STARD13: variants seen among roughly 807,000 people sequenced by gnomAD.
STARD13 encodes the protein stAR-related lipid transfer protein 13.
STARD13 carries 62 observed loss-of-function variants against 106.4 expected under a neutral mutation model. The ratio of observed to expected loss-of-function variants is 0.58; its 90% CI spans 0.48 to 0.72. The LOEUF (loss-of-function observed/expected upper bound fraction) is 0.72. Among genes scored for constraint, STARD13 ranks in the 30% least tolerant of loss-of-function variants. The pLI, the probability that STARD13 is intolerant of heterozygous loss-of-function variation, is 0.00. For missense variants in STARD13, 1,387 were observed against 1,424.0 expected, an observed-to-expected ratio of 0.97 and a Z score of 0.42; for synonymous variants, 565 against 553.0, an observed-to-expected ratio of 1.02 and a Z score of -0.31.
the STARD13 span, among the ~76,000 whole-genome samples, chr13:33,576,297 A>G: frequency 6.6e-6 from 1 of 151,874 alleles, no homozygotes; most frequent in Non-Finnish European, 1.5e-5. Context: ...ATCATAACTC[A>G]CTGCAGCCTT....
At chr13:33,382,262 A>G in the STARD13 span, among the ~76,000 whole-genome samples, 47 of 152,296 alleles carry the variant, frequency 3.1e-4, no homozygotes, top group Middle Eastern at 6.8e-3. Flanking sequence ...CAATCCAGTT[A>G]TAGAAGTTGT....
chr13:33,194,825 A>G (rs920132221), intron 1 of STARD13, among the ~76,000 whole-genome samples: 1 of 152,222 alleles, frequency 6.6e-6, no homozygotes, highest in Non-Finnish European at 1.5e-5. Flanking sequence ...GCTGTTAGTC[A>G]TTTTTTAAAA....
chr13:33,143,483 G>T (rs1226338835), intron 3 of STARD13, among the ~76,000 whole-genome samples: 1 of 152,196 alleles, frequency 6.6e-6, no homozygotes, highest in Non-Finnish European at 1.5e-5. Flanking sequence ...TCCTGAGTAT[G>T]AAGACACACA....
At chr13:33,451,117 C>G in the STARD13 span, among the ~76,000 whole-genome samples, 2 of 152,020 alleles carry the variant, frequency 1.3e-5, no homozygotes, top group Non-Finnish European at 2.9e-5. Context: ...TGGGCTCAAG[C>G]AATCCTTCCA....
the STARD13 span, among the ~76,000 whole-genome samples, chr13:33,383,186 CGT>C: frequency 6.6e-6 from 1 of 152,292 alleles, no homozygotes; most frequent in South Asian, 2.1e-4. Flanking sequence ...ACATGGGTAG[CGT>C]ATGCTTCCTT....
At chr13:33,182,206 C>T (rs1885307573) in intron 1 of STARD13, among the ~76,000 whole-genome samples, 1 of 152,190 alleles carries the variant, frequency 6.6e-6, no homozygotes, top group South Asian at 2.1e-4. Flanking sequence ...CTGTTCTATG[C>T]TTTCCTATTC....
chr13:33,550,364 G>A, the STARD13 span, among the ~76,000 whole-genome samples: 3 of 152,142 alleles, frequency 2.0e-5, no homozygotes, highest in Non-Finnish European at 1.5e-5. Flanking sequence ...TTATGCATGC[G>A]TGCTGCATTA....
rs551791940 is a variant in STARD13, at chr13:33,123,501, G to C, written c.2082+2580C>G. Among the ~76,000 whole-genome samples, 3 of 152,260 alleles carry C rather than the reference G, an allele frequency of 2.0e-5. No individual in the cohort carries two copies. The South Asian group carries it at 6.2e-4, about 32-fold the overall frequency. On this transcript the variant is annotated intron_variant, in intron 7 of 13. Transcript: ENST00000336934. The stretch of plus-strand genomic sequence containing the variant: ...CATTGCAGGTTCAGCCTCTCACTGC[G>C]GTGACTTCATATTCATCAGGAATAG...
At chr13:33,189,586 G>A (rs569780543) in intron 1 of STARD13, among the ~76,000 whole-genome samples, 1 of 151,952 alleles carries the variant, frequency 6.6e-6, no homozygotes, top group East Asian at 2.0e-4. Flanking sequence ...TTGCTGCTGT[G>A]TATGAACCTC....
chr13:33,440,531 C>T, the STARD13 span, among the ~76,000 whole-genome samples: 1 of 151,596 alleles, frequency 6.6e-6, no homozygotes, highest in Non-Finnish European at 1.5e-5. Flanking sequence ...TACCCCTCTG[C>T]TTGTTCCGTA....
At chr13:33,544,143 C>A in the STARD13 span, among the ~76,000 whole-genome samples, 1 of 152,114 alleles carries the variant, frequency 6.6e-6, no homozygotes, top group Non-Finnish European at 1.5e-5. Context: ...AAATTAAGGA[C>A]AAAATAGTTT....
At chr13:33,464,460 C>T in the STARD13 span, among the ~76,000 whole-genome samples, 1 of 152,192 alleles carries the variant, frequency 6.6e-6, no homozygotes, top group Admixed American at 6.5e-5. Flanking sequence ...TTCCATGCTT[C>T]ATTGCCCTTT....
the STARD13 span, among the ~76,000 whole-genome samples, chr13:33,645,652 A>C: frequency 6.6e-6 from 1 of 152,310 alleles, no homozygotes; most frequent in Middle Eastern, 3.4e-3. Flanking sequence ...GGAATTTATT[A>C]TCATTAAACA....
chr13:33,236,700 A>G (rs147975540), intron 1 of STARD13, among the ~76,000 whole-genome samples: 19 of 152,298 alleles, frequency 1.2e-4, no homozygotes, highest in East Asian at 5.8e-4. Flanking sequence ...GATGGCTTCA[A>G]TGCTTGATCT....
chr13:33,283,384 T>A (rs1891900829), intron 1 of STARD13, among the ~76,000 whole-genome samples: 1 of 152,196 alleles, frequency 6.6e-6, no homozygotes, highest in African/African-American at 2.4e-5. Context: ...TTGGATAAGA[T>A]GCTTGAAATC....
intron 3 of STARD13, among the ~76,000 whole-genome samples, chr13:33,162,756 ATT>A (rs71071082): frequency 2.7e-3 from 404 of 150,756 alleles, no homozygotes; most frequent in Admixed American, 7.2e-3. Context: ...CACTATCAGC[ATT>A]TTTTTTTTTC....
At chr13:33,521,305 G>A in the STARD13 span, among the ~76,000 whole-genome samples, 7 of 152,068 alleles carry the variant, frequency 4.6e-5, no homozygotes, top group African/African-American at 1.7e-4. Flanking sequence ...AGGTACACTA[G>A]ATTGAAGAAT....
At position 33,129,758 on chromosome 13, in the gene STARD13, G is replaced by C. The variant is rs1445592014; in HGVS notation, c.919C>G (p.Pro307Ala). The change falls in exon 5 of 14, where the codon CCA (proline) becomes GCA (alanine). Residue 307 changes from proline to alanine, a missense_variant. By Grantham distance (27) the Pro-to-Ala change is conservative. Coordinates refer to ENST00000336934, the MANE Select transcript of STARD13 (RefSeq NM_178006.4). ...GGCGAATTCTGGAGATCTCCATTTG[G>C]TATTTGGATGCACTGCATAGCCTTA... ...SFKAMQCIQI[P>A]NGDLQNSPPP... The C allele has an allele frequency of 2.5e-6, 4 of 1,614,080 alleles. No homozygotes were observed. Among genetic ancestry groups the C allele is most frequent in the Non-Finnish European group, 3.4e-6 (4 of 1,180,038 alleles).
chr13:33,402,423 G>C, the STARD13 span, among the ~76,000 whole-genome samples: 1 of 152,256 alleles, frequency 6.6e-6, no homozygotes, highest in Non-Finnish European at 1.5e-5. Flanking sequence ...AACAGTGTAA[G>C]TGGATTCTCT....
Sources: gnomAD v4.1 joint callset for allele counts (sites outside exome capture counted in the v4.1 genomes callset) on GRCh38, gnomAD v4.1.1 for gene constraint, MANE v1.5 for transcripts, NCBI Gene and HGNC (gene_info 2026-07-23, HGNC 2026-07-21) for gene names.